Variants in ROBO2 observed in about 807,000 individuals in gnomAD.
The protein encoded by ROBO2 is roundabout guidance receptor 2.
ROBO2 carries 53 observed loss-of-function variants against 160.8 expected under a neutral mutation model. The observed-to-expected ratio is 0.33, with a 90% CI of 0.26 to 0.41. ROBO2 has a LOEUF of 0.41. Among genes scored for constraint, ROBO2 ranks in the 10% least tolerant of loss-of-function variants. ROBO2 has a pLI of 1.00. For missense variants in ROBO2, 1,577 were observed against 1,722.4 expected (o/e 0.92, Z 1.49); for synonymous variants, 664 against 611.7 (o/e 1.09, Z -1.26).
At chr3:76,152,267 T>C (rs1294015115) in intron 2 of ROBO2, among the ~76,000 whole-genome samples, 1 of 152,142 alleles carries the variant, frequency 6.6e-6, no homozygotes, top group Non-Finnish European at 1.5e-5. Context: ...TTTCATTAAC[T>C]TGTGGGTTAT....
At chr3:76,228,218 G>A (rs1004080005) in intron 2 of ROBO2, among the ~76,000 whole-genome samples, 2 of 152,086 alleles carry the variant, frequency 1.3e-5, no homozygotes, top group African/African-American at 4.8e-5. Context: ...AATTTATAAA[G>A]ATTCAATTTA....
intron 1 of ROBO2, among the ~76,000 whole-genome samples, chr3:77,069,776 G>T (rs961609799): frequency 6.6e-6 from 1 of 152,136 alleles, no homozygotes; most frequent in East Asian, 1.9e-4. Flanking sequence ...GAGTCCTTGA[G>T]GGGGAGAGAC....
intron 2 of ROBO2, among the ~76,000 whole-genome samples, chr3:76,671,436 A>G (rs1158136567): frequency 6.6e-6 from 1 of 152,072 alleles, no homozygotes; most frequent in Non-Finnish European, 1.5e-5. Flanking sequence ...AAAGCTATTA[A>G]CTCTTGAGTG....
intron 2 of ROBO2, among the ~76,000 whole-genome samples, chr3:77,342,369 T>G (rs1007375740): frequency 5.3e-5 from 8 of 152,132 alleles, no homozygotes; most frequent in African/African-American, 1.9e-4. Context: ...GGATTGAAAG[T>G]GCAGTGTGGG....
At chr3:76,867,643 G>T (rs1483341936) in intron 2 of ROBO2, among the ~76,000 whole-genome samples, 2 of 152,178 alleles carry the variant, frequency 1.3e-5, no homozygotes, top group African/African-American at 4.8e-5. Flanking sequence ...GAATGCATTT[G>T]CAGTTTCATT....
chr3:77,189,212 T>C (rs1025485266), intron 2 of ROBO2, among the ~76,000 whole-genome samples: 1 of 151,860 alleles, frequency 6.6e-6, no homozygotes, highest in African/African-American at 2.4e-5. Context: ...AAATGATTAT[T>C]GTACTACTTT....
intron 2 of ROBO2, among the ~76,000 whole-genome samples, chr3:76,823,873 G>A (rs775994855): frequency 1.3e-5 from 2 of 152,130 alleles, no homozygotes; most frequent in African/African-American, 2.4e-5. Context: ...GAATAATAGT[G>A]ACTTTCCCTG....
At position 76,423,393 on chromosome 3, in the gene ROBO2, A is replaced by G. The variant is rs551213110; in HGVS notation, c.109+485791A>G. On this transcript the variant is annotated intron_variant, in intron 2 of 26. Transcript: ENST00000487694. ...CCAGGATGTTCTTTGTCAAAGGCAG[A>G]CAGTTGACATTACCTGAGTAATGGA... Among the ~76,000 whole-genome samples, 111 of 152,328 alleles carry G rather than the reference A, an allele frequency of 7.3e-4. 1 individual carries two copies. The highest frequency in any genetic ancestry group is 6.4e-3 in the Admixed American group (98 of 15,298).
At chr3:76,481,465 C>T (rs148328629) in intron 2 of ROBO2, among the ~76,000 whole-genome samples, 137 of 152,254 alleles carry the variant, frequency 9.0e-4, no homozygotes, top group Admixed American at 2.2e-3. Context: ...AGTTATAGCA[C>T]ATTCATTGTA....
chr3:76,440,391 C>T (rs1020055186), intron 2 of ROBO2, among the ~76,000 whole-genome samples: 1 of 151,870 alleles, frequency 6.6e-6, no homozygotes, highest in African/African-American at 2.4e-5. Flanking sequence ...CTAATGCTAT[C>T]CCTCCCCTCT....
intron 2 of ROBO2, among the ~76,000 whole-genome samples, chr3:76,645,299 C>T (rs1442657332): frequency 6.6e-6 from 1 of 152,150 alleles, no homozygotes; most frequent in Non-Finnish European, 1.5e-5. Flanking sequence ...GAATCCTATT[C>T]TAACCTATTT....
At chr3:75,949,517 G>A (rs1226104757) in intron 2 of ROBO2, among the ~76,000 whole-genome samples, 1 of 151,964 alleles carries the variant, frequency 6.6e-6, no homozygotes, top group Non-Finnish European at 1.5e-5. Context: ...GCCTTTACAT[G>A]GATTGAAATG....
At chr3:77,216,107 T>G (rs971417648) in intron 2 of ROBO2, among the ~76,000 whole-genome samples, 2 of 152,180 alleles carry the variant, frequency 1.3e-5, no homozygotes, top group Non-Finnish European at 2.9e-5. Flanking sequence ...TCTTCAAAGC[T>G]GTCAGACAGG....
chr3:76,517,248 A>G (rs12630528), intron 2 of ROBO2, among the ~76,000 whole-genome samples: 45,886 of 152,056 alleles, frequency 0.3, 8,580 homozygotes, highest in Non-Finnish European at 0.41. Context: ...CTGCCCATTG[A>G]ATGAATTTCA....
rs774613 is a variant in ROBO2 at position 76,730,226 on chromosome 3, A to T, written c.110-367788A>T. On this transcript the variant is annotated intron_variant, in intron 2 of 26. Coordinates refer to the ROBO2 transcript ENST00000487694. ...TGTCCTCACCTCCTACTCCCTACCC[A>T]CCTCTCCTCACCTCCTACTCCCTAC... Among the ~76,000 whole-genome samples, 20 of 49,558 alleles carry T rather than the reference A, an allele frequency of 4.0e-4. 1 individual carries two copies. Among genetic ancestry groups the T allele is most frequent in the African/African-American group, 1.4e-3 (18 of 12,594 alleles). The allele number at this position is 49,558 out of a possible 152,430, so 32.5% of individuals were successfully genotyped here.
At position 75,954,889 on chromosome 3, in the gene ROBO2, A is replaced by G. The variant is rs578047744; in HGVS notation, c.109+17287A>G. On this transcript the variant is annotated intron_variant, in intron 2 of 26. Transcript: ENST00000487694. ...TAATGTAGATATATGAAAAAATAAT[A>G]TAATGAAATACATGACTTTTCAAAA... 2.0e-5 allele frequency among the ~76,000 whole-genome samples: 3 copies of G among 152,046 alleles called. No homozygotes were observed. In the South Asian group the frequency reaches 6.2e-4, roughly 32 times the overall value.
chr3:76,413,784 C>T (rs1436091122), intron 2 of ROBO2, among the ~76,000 whole-genome samples: 1 of 152,178 alleles, frequency 6.6e-6, no homozygotes, highest in Non-Finnish European at 1.5e-5. Flanking sequence ...GCCCTCCAAA[C>T]TGTTCATTCC....
chr3:77,562,785 A>G (rs1418815915), intron 10 of ROBO2, 53 bp downstream of exon 11: 7 of 1,220,758 alleles, frequency 5.7e-6, no homozygotes, highest in African/African-American at 4.5e-5. Flanking sequence ...TGATAGCTCA[A>G]TATCAAATAA....
At chr3:77,191,051 C>T (rs2081792205) in intron 2 of ROBO2, among the ~76,000 whole-genome samples, 1 of 151,960 alleles carries the variant, frequency 6.6e-6, no homozygotes, top group Non-Finnish European at 1.5e-5. Context: ...AACGAATTAA[C>T]AACCTTGCTT....
Sources: allele counts gnomAD v4.1 joint callset (sites outside exome capture counted in the v4.1 genomes callset), GRCh38; gene constraint gnomAD v4.1.1; transcripts MANE v1.5; gene names NCBI Gene and HGNC (gene_info 2026-07-23, HGNC 2026-07-21).